The following RAMP3 variants were observed in gnomAD, a reference collection of about 807,000 sequenced individuals.
RAMP3 encodes the protein receptor activity-modifying protein 3.
RAMP3 carries 14 observed loss-of-function variants against 13.5 expected under a neutral mutation model. The observed-to-expected ratio is 1.04, with a 90% CI of 0.69 to 1.63. RAMP3 has a LOEUF of 1.63. Ranked by LOEUF, RAMP3 falls within the 40% of genes most tolerant of loss-of-function variation. The pLI is 0.00. For missense variants in RAMP3, 200 were observed against 204.8 expected (o/e 0.98, Z 0.14); for synonymous variants, 106 against 88.3 (o/e 1.20, Z -1.12).
chr7:45,182,853 C>A (rs892649022), intron 2 of RAMP3, among the ~76,000 whole-genome samples: 6 of 152,148 alleles, frequency 3.9e-5, no homozygotes, highest in Admixed American at 1.3e-4. Flanking sequence ...GTCCTCTGGG[C>A]AGACCTGCGT....
At chr7:45,183,013 T>C (rs926285294) in intron 2 of RAMP3, 144 bp from the exon 3 acceptor site, 3 of 1,141,104 alleles carry the variant, frequency 2.6e-6, no homozygotes, top group South Asian at 1.5e-5. Flanking sequence ...GTGGCCAGAA[T>C]GGGGATTTTC....
chr7:45,157,793 C>A lies in RAMP3; in HGVS notation c.-36C>A, dbSNP rs1474027280. ...GGGCGTCCCCCAGCCGCGCCCCCAG[C>A]GGGACCGAGCGTGACCCAGCTGCGG... On this transcript the variant is annotated 5_prime_UTR_variant, in exon 1 of 3. Transcript: ENST00000242249. 2 of 1,425,020 alleles carry A rather than the reference C, an allele frequency of 1.4e-6. No homozygotes were observed. Among genetic ancestry groups the A allele is most frequent in the African/African-American group, 1.5e-5 (1 of 66,462 alleles). The allele number at this position is 1,425,020 out of a possible 1,614,324, so 88.3% of individuals were successfully genotyped here.
intron 1 of RAMP3, 21 bp from the exon 2 acceptor site, chr7:45,177,288 T>C: frequency 6.2e-7 from 1 of 1,613,876 alleles, no homozygotes; most frequent in Non-Finnish European, 8.5e-7. Flanking sequence ...AGTGGAATTC[T>C]TATGGCTGTC....
intron 1 of RAMP3, among the ~76,000 whole-genome samples, chr7:45,176,273 T>C (rs1482085739): frequency 6.6e-6 from 1 of 152,080 alleles, no homozygotes; most frequent in Non-Finnish European, 1.5e-5. Flanking sequence ...TTCTTCATGG[T>C]ATTTCCTCTA....
At chr7:45,171,484 T>C (rs1786081594) in intron 1 of RAMP3, among the ~76,000 whole-genome samples, 1 of 152,232 alleles carries the variant, frequency 6.6e-6, no homozygotes, top group African/African-American at 2.4e-5. Context: ...TTTATTCCAT[T>C]GTGGTCAGAG....
At chr7:45,161,101 T>C (rs541556140) in intron 1 of RAMP3, among the ~76,000 whole-genome samples, 1 of 151,954 alleles carries the variant, frequency 6.6e-6, no homozygotes, top group South Asian at 2.1e-4. Flanking sequence ...GAGGATGGCA[T>C]GTGGTCCTCA....
intron 1 of RAMP3, among the ~76,000 whole-genome samples, chr7:45,167,748 G>A (rs1189929705): frequency 1.3e-5 from 2 of 151,686 alleles, no homozygotes; most frequent in African/African-American, 4.8e-5. Context: ...CACCACGCCC[G>A]GGTAATTTTG....
intron 2 of RAMP3, 66 bp from the exon 3 acceptor site, chr7:45,183,091 C>G: frequency 6.3e-7 from 1 of 1,585,742 alleles, no homozygotes; most frequent in Non-Finnish European, 8.6e-7. Context: ...TCTTCCTGGC[C>G]TCAGGTCAGG....
At chr7:45,167,150 G>A (rs559157205) in intron 1 of RAMP3, among the ~76,000 whole-genome samples, 104 of 152,092 alleles carry the variant, frequency 6.8e-4, no homozygotes, top group African/African-American at 2.4e-3. Context: ...GTAGAGACGC[G>A]GTTTCAGTGT....
intron 1 of RAMP3, among the ~76,000 whole-genome samples, chr7:45,167,538 G>GTGAGT (rs1169124730): frequency 1.3e-5 from 2 of 150,326 alleles, no homozygotes; most frequent in East Asian, 3.9e-4. Context: ...ATTGGGATGT[G>GTGAGT]TGAGTCCTAC....
chr7:45,161,800 G>T (rs1785871937), intron 1 of RAMP3, among the ~76,000 whole-genome samples: 1 of 152,092 alleles, frequency 6.6e-6, no homozygotes. Context: ...TAGGGGTTCA[G>T]ATTCAGACCT....
chr7:45,179,841 G>A (rs888166525), intron 2 of RAMP3, among the ~76,000 whole-genome samples: 3 of 152,200 alleles, frequency 2.0e-5, no homozygotes, highest in Non-Finnish European at 4.4e-5. Flanking sequence ...TATCAGAGCT[G>A]TGGAAACAAA....
At chr7:45,179,759 T>C (rs977538648) in intron 2 of RAMP3, among the ~76,000 whole-genome samples, 1 of 152,072 alleles carries the variant, frequency 6.6e-6, no homozygotes, top group Non-Finnish European at 1.5e-5. Flanking sequence ...GCTGAGGGCA[T>C]GAGCTTGCAG....
intron 1 of RAMP3, among the ~76,000 whole-genome samples, chr7:45,175,777 A>G (rs1299913): frequency 0.76 from 115,571 of 152,048 alleles, 44,268 homozygotes; most frequent in Middle Eastern, 0.87. Context: ...TTGGCCTTAG[A>G]CAAGCCACTC....
intron 1 of RAMP3, among the ~76,000 whole-genome samples, chr7:45,170,672 G>A (rs1414557395): frequency 1.3e-5 from 2 of 151,968 alleles, no homozygotes; most frequent in Non-Finnish European, 2.9e-5. Flanking sequence ...TAGAGACAGA[G>A]TCTTGCTGTG....
chr7:45,183,019 T>C (rs1240287440), intron 2 of RAMP3, 138 bp from the exon 3 acceptor site: 1 of 1,228,544 alleles, frequency 8.1e-7, no homozygotes, highest in Non-Finnish European at 1.1e-6. Flanking sequence ...AGAATGGGGA[T>C]TTTCCAAGGC....
intron 1 of RAMP3, among the ~76,000 whole-genome samples, chr7:45,171,648 C>G (rs1786085003): frequency 1.3e-5 from 2 of 151,532 alleles, no homozygotes; most frequent in Admixed American, 1.3e-4. Context: ...GCTCTGTCAC[C>G]CGGGCTGTAG....
intron 1 of RAMP3, among the ~76,000 whole-genome samples, chr7:45,172,074 A>G (rs1454381651): frequency 7.2e-6 from 1 of 138,122 alleles, no homozygotes; most frequent in African/African-American, 3.1e-5. Context: ...GGGCCCCAGT[A>G]CTCTTGGCCT....
At chr7:45,179,666 G>T (rs996521016) in intron 2 of RAMP3, among the ~76,000 whole-genome samples, 2 of 152,154 alleles carry the variant, frequency 1.3e-5, no homozygotes, top group Non-Finnish European at 2.9e-5. Context: ...GGAGGTCAGT[G>T]GTCAGTCCAG....
Sources: gnomAD v4.1 joint callset for allele counts (sites outside exome capture counted in the v4.1 genomes callset) on GRCh38, gnomAD v4.1.1 for gene constraint, MANE v1.5 for transcripts, NCBI Gene and HGNC (gene_info 2026-07-23, HGNC 2026-07-21) for gene names.